The following RALYL variants were observed in gnomAD, a reference collection of about 807,000 sequenced individuals.
The protein encoded by RALYL is RALY RNA binding protein like.
In RALYL, 29 loss-of-function variants were observed where a neutral mutation model predicts 35.1. That is an observed-to-expected ratio of 0.83 (90% confidence interval 0.61 to 1.13). The LOEUF (loss-of-function observed/expected upper bound fraction) is 1.13, where lower values mean the gene tolerates loss of function less well. Among genes scored for constraint, RALYL ranks in the 50% most tolerant of loss-of-function variants. RALYL has a pLI of 0.00. For missense variants in RALYL, 359 were observed against 360.4 expected (o/e 1.00, Z 0.03); for synonymous variants, 120 against 127.6 (o/e 0.94, Z 0.40).
intron 1 of RALYL, among the ~76,000 whole-genome samples, chr8:84,188,371 A>T (rs1042187255): frequency 7.2e-5 from 11 of 152,106 alleles, no homozygotes; most frequent in African/African-American, 2.4e-4. Context: ...CCAGAAAGTA[A>T]ATAATAACAT....
chr8:84,468,341 G>A (rs1190565480), intron 1 of RALYL, among the ~76,000 whole-genome samples: 1 of 151,700 alleles, frequency 6.6e-6, no homozygotes, highest in Non-Finnish European at 1.5e-5. Context: ...CAGGCCTGGT[G>A]GTGACAAAAT....
chr8:84,479,897 A>C (rs150582123), intron 1 of RALYL, among the ~76,000 whole-genome samples: 391 of 152,316 alleles, frequency 2.6e-3, no homozygotes, highest in Non-Finnish European at 4.8e-3. Flanking sequence ...GGTATCATGT[A>C]ATGTCCAGCA....
At chr8:84,488,653 A>G (rs2054911178) in intron 1 of RALYL, among the ~76,000 whole-genome samples, 1 of 151,998 alleles carries the variant, frequency 6.6e-6, no homozygotes, top group Admixed American at 6.6e-5. Flanking sequence ...CTGAAGTTCA[A>G]GTTATCCCAT....
chr8:84,832,643 G>A (rs1032038808), intron 4 of RALYL, among the ~76,000 whole-genome samples: 16 of 152,076 alleles, frequency 1.1e-4, no homozygotes, highest in African/African-American at 2.2e-4. Flanking sequence ...AAATCTGTAG[G>A]TGGATATCTA....
chr8:84,748,981 G>T (rs541419313), intron 2 of RALYL, among the ~76,000 whole-genome samples: 48 of 152,046 alleles, frequency 3.2e-4, no homozygotes, highest in African/African-American at 1.1e-3. Flanking sequence ...GATCATATTT[G>T]TTTTTGCTAC....
intron 2 of RALYL, among the ~76,000 whole-genome samples, chr8:84,636,072 G>A (rs187258517): frequency 3.9e-4 from 59 of 151,790 alleles, no homozygotes; most frequent in African/African-American, 1.3e-3. Context: ...TTTCCAACAA[G>A]ATTTCATATG....
intron 2 of RALYL, among the ~76,000 whole-genome samples, chr8:84,737,320 A>G (rs1366293605): frequency 6.6e-6 from 1 of 152,096 alleles, no homozygotes; most frequent in Non-Finnish European, 1.5e-5. Context: ...GTATGTTACC[A>G]AATATAAATA....
intron 1 of RALYL, among the ~76,000 whole-genome samples, chr8:84,461,654 G>A (rs1213162889): frequency 2.0e-5 from 3 of 151,516 alleles, no homozygotes; most frequent in Non-Finnish European, 3.0e-5. Context: ...CATGAGAGAG[G>A]TCAAAAAAGA....
Position 84,209,056 on chromosome 8 carries a change from C to T in RALYL, c.-24+24632C>T, listed in dbSNP as rs1171863605. On this transcript the variant is annotated intron_variant, in intron 1 of 8. Coordinates refer to ENST00000521268, the MANE Select transcript of RALYL (RefSeq NM_173848.7). ...CTTTGTATATGTACACATGCATACA[C>T]ACATTTAATAATAATAAAAACATTT... 2.2e-5 allele frequency among the ~76,000 whole-genome samples: 3 copies of T among 137,614 alleles called. No homozygotes were observed. In the South Asian group the frequency reaches 7.1e-4, roughly 33 times the overall value. The allele number at this position is 137,614 out of a possible 152,430, so 90.3% of individuals were successfully genotyped here. A position where few individuals can be genotyped will look rare whatever the true frequency, so the allele number is the denominator to read the frequency against.
intron 2 of RALYL, among the ~76,000 whole-genome samples, chr8:84,656,846 A>G (rs1230696217): frequency 6.6e-6 from 1 of 152,164 alleles, no homozygotes; most frequent in Non-Finnish European, 1.5e-5. Context: ...CTATTTTCCC[A>G]TTAAATATCC....
At chr8:84,504,955 T>C (rs980589976) in intron 1 of RALYL, among the ~76,000 whole-genome samples, 1 of 152,130 alleles carries the variant, frequency 6.6e-6, no homozygotes, top group Non-Finnish European at 1.5e-5. Context: ...TTTCTCAACA[T>C]GTAAGTCACC....
intron 2 of RALYL, among the ~76,000 whole-genome samples, chr8:84,774,058 A>T (rs972234863): frequency 3.3e-5 from 5 of 152,078 alleles, no homozygotes. Flanking sequence ...TTTCTACAGA[A>T]AATTTTAAAA....
At chr8:84,567,303 G>A (rs1466098301) in intron 2 of RALYL, among the ~76,000 whole-genome samples, 1 of 151,688 alleles carries the variant, frequency 6.6e-6, no homozygotes, top group Non-Finnish European at 1.5e-5. Context: ...TTGGCTTCCA[G>A]TGTACCCAAA....
intron 1 of RALYL, among the ~76,000 whole-genome samples, chr8:84,465,043 C>A (rs1250488920): frequency 1.8e-5 from 2 of 108,496 alleles, no homozygotes; most frequent in African/African-American, 7.0e-5. Flanking sequence ...GGATATTAGC[C>A]CTTTGTCAGA....
intron 1 of RALYL, among the ~76,000 whole-genome samples, chr8:84,350,307 G>A (rs897948345): frequency 1.3e-5 from 2 of 150,614 alleles, no homozygotes; most frequent in Non-Finnish European, 3.0e-5. Flanking sequence ...CTCCAAATGT[G>A]AATGCTTATA....
In RALYL at chr8:84,865,981, G is replaced by A. The variant is rs560722165; in HGVS notation, c.571+3528G>A. Reference sequence around the variant, plus strand: ...GGTTCCTCCCCTCAAAAGTATGATTGAAATACAGCGATAAAGCATCAACCA... The same window carrying A: ...GGTTCCTCCCCTCAAAAGTATGATTAAAATACAGCGATAAAGCATCAACCA... On this transcript the variant is annotated intron_variant, in intron 6 of 8. Transcript: ENST00000521268. Among the ~76,000 whole-genome samples the A allele has an allele frequency of 2.8e-4, 42 of 152,244 alleles. No homozygotes were observed. The South Asian group carries it at 4.4e-3, about 16-fold the overall frequency.
At chr8:84,443,483 T>C (rs954053056) in intron 1 of RALYL, among the ~76,000 whole-genome samples, 1 of 152,188 alleles carries the variant, frequency 6.6e-6, no homozygotes, top group African/African-American at 2.4e-5. Context: ...GGATGCCTTG[T>C]CATGCAAATA....
chr8:84,843,813 G>T (rs543783487), intron 4 of RALYL, among the ~76,000 whole-genome samples: 2 of 152,036 alleles, frequency 1.3e-5, no homozygotes, highest in East Asian at 1.9e-4. Flanking sequence ...AAATAATGCC[G>T]CATAGCTACA....
At chr8:84,351,043 A>G (rs562905133) in intron 1 of RALYL, among the ~76,000 whole-genome samples, 1 of 150,144 alleles carries the variant, frequency 6.7e-6, no homozygotes, top group Admixed American at 6.6e-5. Flanking sequence ...CAAAATACCA[A>G]AAATAATAAT....
Sources: allele counts gnomAD v4.1 joint callset (sites outside exome capture counted in the v4.1 genomes callset), GRCh38; gene constraint gnomAD v4.1.1; transcripts MANE v1.5; gene names NCBI Gene and HGNC (gene_info 2026-07-23, HGNC 2026-07-21).